Variants in PCDHGA5 observed in about 807,000 individuals in gnomAD.
PCDHGA5 encodes protocadherin gamma-A5.
In PCDHGA5, 36 loss-of-function variants were observed where a neutral mutation model predicts 56.7. The observed-to-expected ratio is 0.64, with a 90% CI of 0.49 to 0.84. The LOEUF is 0.84. Among genes scored for constraint, PCDHGA5 ranks in the 40% least tolerant of loss-of-function variants. PCDHGA5 has a pLI of 0.00. For missense variants in PCDHGA5, 1,305 were observed against 1,201.5 expected, an observed-to-expected ratio of 1.09 and a Z score of -1.27; for synonymous variants, 563 against 520.2, an observed-to-expected ratio of 1.08 and a Z score of -1.12.
chr5:141,491,322 C>T lies in PCDHGA5; in HGVS notation c.2422-3485C>T. 6.2e-7 allele frequency: 1 copy of T among 1,614,156 alleles called. No individual in the cohort carries two copies. Among genetic ancestry groups the T allele is most frequent in the East Asian group, 2.2e-5 (1 of 44,860 alleles). On this transcript the variant is annotated intron_variant, in intron 1 of 3. Coordinates refer to ENST00000518069, the MANE Select transcript of PCDHGA5 (RefSeq NM_018918.3). This position sits in a 1 kb window ranked among gnomAD's most constrained non-coding sequence, Gnocchi z 6.9. ...AGCGTTCAGACCTTACCCTTTACCT[C>T]ATTGTGGCTCTAGCGACCGTCAGTC...
chr5:141,413,842 G>C, intron 1 of PCDHGA5: 1 of 1,613,294 alleles, frequency 6.2e-7, no homozygotes, highest in Non-Finnish European at 8.5e-7. Flanking sequence ...CGACGGGGGT[G>C]ACCCTCTCCG....
intron 1 of PCDHGA5, chr5:141,423,852 GT>G (rs971165220): frequency 2.5e-5 from 32 of 1,279,282 alleles, no homozygotes; most frequent in Non-Finnish European, 3.0e-5. Context: ...CTTTCAGAAC[GT>G]TTTTGTGAAA....
At chr5:141,442,466 A>T (rs1270035223) in intron 1 of PCDHGA5, 1 of 152,254 alleles carries the variant, frequency 6.6e-6, no homozygotes, top group African/African-American at 2.4e-5. Flanking sequence ...TTCACTGCAG[A>T]AAGCCCCTTG....
chr5:141,408,211 G>A (rs1285774248), intron 1 of PCDHGA5: 1 of 1,554,426 alleles, frequency 6.4e-7, no homozygotes, highest in South Asian at 1.2e-5. Flanking sequence ...CGATGGGAGG[G>A]AGCTGCGCGC....
chr5:141,394,850 G>C, intron 1 of PCDHGA5: 1 of 1,613,820 alleles, frequency 6.2e-7, no homozygotes, highest in Non-Finnish European at 8.5e-7. Flanking sequence ...GCAGTCTGAA[G>C]CCTTCGGTCG....
chr5:141,484,941 C>T (rs2099604065), intron 1 of PCDHGA5: 2 of 543,888 alleles, frequency 3.7e-6, no homozygotes, highest in East Asian at 6.3e-5. Context: ...ACGTTCTCTG[C>T]TCAGCCTATT....
At chr5:141,382,207 A>G (rs1042631528) in intron 1 of PCDHGA5, among the ~76,000 whole-genome samples, 1 of 152,206 alleles carries the variant, frequency 6.6e-6, no homozygotes, top group Admixed American at 6.5e-5. Context: ...ATTTATTAAA[A>G]TAGGTCTATA....
intron 1 of PCDHGA5, chr5:141,383,378 C>A (rs753458256): frequency 8.1e-6 from 13 of 1,613,884 alleles, no homozygotes; most frequent in Non-Finnish European, 1.1e-5. Flanking sequence ...GCTGGGGATC[C>A]AGATGTGGGC....
At position 141,384,652 on chromosome 5, in the gene PCDHGA5, G is replaced by A. The variant is rs372721131; in HGVS notation, c.2421+17901G>A. ...GCTGGCACCCCGCTCCGCAGAGCCC[G>A]GCTACCTGGTGACCAAGGTGGTGGC... On this transcript the variant is annotated intron_variant, in intron 1 of 3. Coordinates refer to ENST00000518069, the MANE Select transcript of PCDHGA5 (RefSeq NM_018918.3). The A allele has an allele frequency of 7.4e-6, 12 of 1,614,110 alleles. No homozygotes were observed. The South Asian group carries it at 1.1e-4, about 15-fold the overall frequency.
Position 141,511,065 on chromosome 5 carries a change from C to T in PCDHGA5, c.2688C>T (p.Ile896=). Residue 896 remains isoleucine, a synonymous_variant, in exon 4 of 4, where the codon ATC becomes ATT. Transcript: ENST00000518069. ...HVPDYRQNVY[I]PGSNATLTNA... ...CCGACTACCGCCAGAATGTCTACATCCCAGGCAGCAATGCCACACTGACCA... is the reference window on the plus strand; with the variant it reads ...CCGACTACCGCCAGAATGTCTACATTCCAGGCAGCAATGCCACACTGACCA... The T allele has an allele frequency of 6.2e-7, 1 of 1,614,222 alleles. No individual in the cohort carries two copies. Among genetic ancestry groups the T allele is most frequent in the Middle Eastern group, 1.6e-4 (1 of 6,062 alleles).
rs200931939 is a variant in PCDHGA5, at chr5:141,423,096, C to T, written c.2421+56345C>T. On this transcript the variant is annotated intron_variant, in intron 1 of 3. Transcript: ENST00000518069. Reference sequence around the variant, plus strand: ...CGGGACTCTTCGCGGTGGGGGAGCACACGGGCGAGGTGCGTACAGCGCGGG... The same window carrying T: ...CGGGACTCTTCGCGGTGGGGGAGCATACGGGCGAGGTGCGTACAGCGCGGG... The T allele has an allele frequency of 3.8e-5, 61 of 1,613,974 alleles. No individual in the cohort carries two copies. In the East Asian group the frequency reaches 1.3e-3, roughly 35 times the overall value.
chr5:141,385,919 T>C (rs912267518), intron 1 of PCDHGA5: 9 of 152,446 alleles, frequency 5.9e-5, no homozygotes, highest in African/African-American at 1.7e-4. Flanking sequence ...CACTAAGATC[T>C]ATATCAAAGA....
intron 1 of PCDHGA5, chr5:141,392,963 G>C: frequency 6.2e-7 from 1 of 1,613,922 alleles, no homozygotes; most frequent in Non-Finnish European, 8.5e-7. Flanking sequence ...ATATCTCCAA[G>C]GACCTGGGGC....
rs1446985601 is a variant in PCDHGA5, at chr5:141,365,786, C to T, written c.1456C>T (p.Arg486Ter). 1 of 1,613,932 alleles carries T rather than the reference C, an allele frequency of 6.2e-7. No homozygotes were observed. The highest frequency in any genetic ancestry group is 8.5e-7 in the Non-Finnish European group (1 of 1,179,892). Residue 486 changes from arginine (R) to a stop codon, truncating the protein, a stop_gained, in exon 1 of 4, where the codon CGA (arginine) becomes TGA (stop). Transcript: ENST00000518069. LOFTEE classifies it high-confidence loss of function. ...TGACCCCGACAGCGGCGACAACGCT[C>T]GAGTCACCTACTCCCTGGCTGAAGA... ...AHDPDSGDNARVTYSLAEDTF... is the reference protein window; with the variant it reads ...AHDPDSGDNA
intron 1 of PCDHGA5, chr5:141,370,309 A>G: frequency 8.1e-7 from 1 of 1,240,254 alleles, no homozygotes; most frequent in South Asian, 1.6e-5. Flanking sequence ...GACAAAGCAA[A>G]TAGTTGGTCC....
At chr5:141,503,479 G>A (rs1203644194) in intron 2 of PCDHGA5, among the ~76,000 whole-genome samples, 5 of 151,616 alleles carry the variant, frequency 3.3e-5, no homozygotes, top group African/African-American at 9.7e-5. Context: ...TGCACTTGTC[G>A]TCCCAGCTGC....
intron 1 of PCDHGA5, among the ~76,000 whole-genome samples, chr5:141,407,316 GTATTTATAAA>G (rs2094915018): frequency 6.6e-6 from 1 of 152,094 alleles, no homozygotes; most frequent in Non-Finnish European, 1.5e-5. Flanking sequence ...TTCATACTTA[GTATTTATAAA>G]TATTGAAATG....
At chr5:141,374,519 G>A (rs769907625) in intron 1 of PCDHGA5, 5 of 1,612,332 alleles carry the variant, frequency 3.1e-6, no homozygotes, top group Admixed American at 1.7e-5. Context: ...TCTCGAAAAC[G>A]CAGCTCCATC....
At chr5:141,405,187 G>A (rs372851700) in intron 1 of PCDHGA5, 1 of 1,613,360 alleles carries the variant, frequency 6.2e-7, no homozygotes, top group East Asian at 2.2e-5. Flanking sequence ...GTGTAGATGG[G>A]GTTCGAGCTT....
Sources: allele counts gnomAD v4.1 joint callset (sites outside exome capture counted in the v4.1 genomes callset), GRCh38; gene constraint gnomAD v4.1.1; non-coding constraint Gnocchi (gnomAD v3.1); transcripts MANE v1.5; gene names NCBI Gene and HGNC (gene_info 2026-07-23, HGNC 2026-07-21).